MAP4K5: variants seen among roughly 807,000 people sequenced by gnomAD.
MAP4K5 encodes the protein mitogen-activated protein kinase kinase kinase kinase 5.
In MAP4K5, 82 loss-of-function variants were observed where a neutral mutation model predicts 135.6. The observed-to-expected ratio is 0.60, with a 90% confidence interval of 0.51 to 0.73. The LOEUF is 0.73. Among genes scored for constraint, MAP4K5 ranks in the 30% least tolerant of loss-of-function variants. MAP4K5 has a pLI of 0.00. For synonymous variants in MAP4K5, 347 were observed against 335.0 expected (o/e 1.04, Z -0.39); for missense variants, 907 against 1,010.9 (o/e 0.90, Z 1.39).
chr14:50,462,609 T>G (rs2036735722), intron 13 of MAP4K5, 56 bp downstream of exon 13: 1 of 1,249,344 alleles, frequency 8.0e-7, no homozygotes, highest in Non-Finnish European at 1.1e-6. Flanking sequence ...AAAAGCAAAC[T>G]TTAAGGCCTT....
intron 6 of MAP4K5, among the ~76,000 whole-genome samples, chr14:50,477,276 G>A (rs369194339): frequency 5.9e-5 from 9 of 152,086 alleles, no homozygotes; most frequent in South Asian, 4.1e-4. Flanking sequence ...CAGATTGTCC[G>A]TTGCTAGTAT....
chr14:50,510,314 T>C (rs529219299), intron 2 of MAP4K5, among the ~76,000 whole-genome samples: 9 of 152,352 alleles, frequency 5.9e-5, no homozygotes, highest in African/African-American at 2.2e-4. Flanking sequence ...ACTGTCCTCA[T>C]TCTGGTACGT....
At chr14:50,490,551 A>C (rs1034536604) in intron 3 of MAP4K5, among the ~76,000 whole-genome samples, 36 of 152,230 alleles carry the variant, frequency 2.4e-4, no homozygotes, top group Admixed American at 2.1e-3. Flanking sequence ...GATTTGCTAA[A>C]AAGTGTACAA....
intron 3 of MAP4K5, among the ~76,000 whole-genome samples, chr14:50,488,404 T>C (rs2037414377): frequency 6.6e-6 from 1 of 152,216 alleles, no homozygotes; most frequent in South Asian, 2.1e-4. Context: ...TGTTATTCTT[T>C]GGATTCCCAC....
chr14:50,502,153 T>C (rs2037719746), intron 3 of MAP4K5, among the ~76,000 whole-genome samples: 1 of 152,128 alleles, frequency 6.6e-6, no homozygotes, highest in Non-Finnish European at 1.5e-5. Context: ...GTGGGAGTTA[T>C]TTATAGCCTA....
intron 14 of MAP4K5, chr14:50,456,209 G>T: frequency 3.1e-6 from 1 of 320,152 alleles, no homozygotes; most frequent in Non-Finnish European, 5.8e-6. Context: ...AAGAAATGTG[G>T]CAAAATATTA....
At chr14:50,510,622 T>A (rs2037911872) in intron 2 of MAP4K5, among the ~76,000 whole-genome samples, 1 of 152,178 alleles carries the variant, frequency 6.6e-6, no homozygotes. Context: ...TTTTAAATAG[T>A]CTTACTTTTT....
intron 1 of MAP4K5, chr14:50,559,300 G>C (rs1297555540): frequency 6.6e-6 from 1 of 152,264 alleles, no homozygotes. Flanking sequence ...GAAGGAAACT[G>C]TAAGGGACGG....
intron 5 of MAP4K5, chr14:50,483,155 T>C (rs1407001188): frequency 6.6e-6 from 1 of 152,240 alleles, no homozygotes; most frequent in Non-Finnish European, 1.5e-5. Flanking sequence ...TATACTTTTT[T>C]ATAGATCAAG....
chr14:50,444,957 T>A (rs1174861150), intron 18 of MAP4K5, 84 bp downstream of exon 18: 9 of 1,390,490 alleles, frequency 6.5e-6, no homozygotes, highest in South Asian at 1.4e-5. Flanking sequence ...ATGACTCTCA[T>A]TTCAGTTTTC....
intron 4 of MAP4K5, 73 bp from the exon 5 acceptor site, chr14:50,485,715 C>CT: frequency 1.1e-6 from 1 of 880,680 alleles, no homozygotes; most frequent in Non-Finnish European, 1.8e-6. Context: ...GGCTCTCACT[C>CT]TTTAGCACAC....
intron 17 of MAP4K5, among the ~76,000 whole-genome samples, chr14:50,445,826 C>G (rs913371720): frequency 1.3e-5 from 2 of 152,138 alleles, no homozygotes; most frequent in African/African-American, 2.4e-5. Context: ...CTTTGTCTCC[C>G]GAAGTGCTGG....
chr14:50,443,678 C>CT (rs2036277730), intron 20 of MAP4K5, 51 bp downstream of exon 20: 1 of 1,476,806 alleles, frequency 6.8e-7, no homozygotes, highest in Non-Finnish European at 9.1e-7. Context: ...TATATTGCTG[C>CT]TTCTAAAGAG....
intron 1 of MAP4K5, among the ~76,000 whole-genome samples, chr14:50,555,044 T>C (rs1033424783): frequency 1.3e-5 from 2 of 152,190 alleles, no homozygotes; most frequent in East Asian, 3.9e-4. Flanking sequence ...ATCAATGAGG[T>C]GGGACATGGT....
intron 2 of MAP4K5, among the ~76,000 whole-genome samples, chr14:50,539,728 G>A (rs527858447): frequency 6.6e-6 from 1 of 152,340 alleles, no homozygotes; most frequent in East Asian, 1.9e-4. Context: ...ATACAATGAA[G>A]AAGTTGTAGG....
At chr14:50,484,894 A>C (rs2037330849) in intron 5 of MAP4K5, among the ~76,000 whole-genome samples, 2 of 152,188 alleles carry the variant, frequency 1.3e-5, no homozygotes, top group Non-Finnish European at 2.9e-5. Flanking sequence ...TAATTCTTTA[A>C]AACAAATTAT....
intron 1 of MAP4K5, among the ~76,000 whole-genome samples, chr14:50,545,654 C>G (rs1210440311): frequency 6.6e-6 from 1 of 152,086 alleles, no homozygotes; most frequent in Non-Finnish European, 1.5e-5. Context: ...AAAATAGATA[C>G]AAAAGTTAAG....
At chr14:50,463,823 G>T (rs552672388) in intron 12 of MAP4K5, among the ~76,000 whole-genome samples, 192 of 146,888 alleles carry the variant, frequency 1.3e-3, no homozygotes, top group Non-Finnish European at 2.6e-3. Flanking sequence ...GGGTGGGGGT[G>T]GAGGCTGCAG....
At chr14:50,511,499 A>G (rs1433604099) in intron 2 of MAP4K5, among the ~76,000 whole-genome samples, 1 of 152,186 alleles carries the variant, frequency 6.6e-6, no homozygotes, top group African/African-American at 2.4e-5. Flanking sequence ...CTATACTACT[A>G]CTACAGGATA....
Sources: gnomAD v4.1 joint callset for allele counts (sites outside exome capture counted in the v4.1 genomes callset) on GRCh38, gnomAD v4.1.1 for gene constraint, MANE v1.5 for transcripts, NCBI Gene and HGNC (gene_info 2026-07-23, HGNC 2026-07-21) for gene names.